GPC3: variants seen among roughly 807,000 people sequenced by gnomAD.
GPC3 encodes the protein glypican-3.
GPC3 carries 3 observed loss-of-function variants against 34.4 expected under a neutral mutation model. That is an observed-to-expected ratio of 0.09 (90% CI 0.04 to 0.23). The LOEUF is 0.23. GPC3 is among the 10% of genes least tolerant of loss of function. The probability of loss-of-function intolerance (pLI) is 1.00; values close to 1 mark genes in which losing one functional copy is unlikely to be tolerated. For synonymous variants in GPC3, 177 were observed against 174.0 expected, an observed-to-expected ratio of 1.02 and a Z score of -0.13; for missense variants, 351 against 445.6, an observed-to-expected ratio of 0.79 and a Z score of 1.91.
intron 2 of GPC3, among the ~76,000 whole-genome samples, chrX:133,828,399 C>T (rs752891670): frequency 6.3e-5 from 7 of 111,767 alleles, no homozygotes; most frequent in Non-Finnish European, 1.3e-4. Context: ...CTCAGGTGAT[C>T]CACCTGCCTC....
At chrX:133,958,384 AT>A (rs977095562) in intron 1 of GPC3, among the ~76,000 whole-genome samples, 8 of 107,912 alleles carry the variant, frequency 7.4e-5, no homozygotes, top group Non-Finnish European at 1.3e-4. Flanking sequence ...CTATAAAAAA[AT>A]TTTTTTTTAA....
At chrX:133,810,587 G>A (rs1419396152) in intron 2 of GPC3, among the ~76,000 whole-genome samples, 5 of 111,636 alleles carry the variant, frequency 4.5e-5, no homozygotes, top group Non-Finnish European at 9.4e-5. Context: ...TCTTGGTAGA[G>A]AAGTGAGGCA....
At chrX:133,960,134 T>C (rs2076435635) in intron 1 of GPC3, among the ~76,000 whole-genome samples, 1 of 110,523 alleles carries the variant, frequency 9.0e-6, no homozygotes, top group South Asian at 3.8e-4. Context: ...GGGTGAAATG[T>C]GTTTGGAAAC....
intron 1 of GPC3, among the ~76,000 whole-genome samples, chrX:133,977,938 T>C (rs951237971): frequency 4.5e-5 from 5 of 111,459 alleles, no homozygotes; most frequent in African/African-American, 1.6e-4. Flanking sequence ...TTAAATTTTA[T>C]TTATTTATTT....
At chrX:133,588,152 A>G (rs2069809551) in intron 7 of GPC3, among the ~76,000 whole-genome samples, 1 of 111,419 alleles carries the variant, frequency 9.0e-6, no homozygotes, top group Non-Finnish European at 1.9e-5. Context: ...GGGGTGGCTT[A>G]CTTAGCAGGA....
intron 5 of GPC3, among the ~76,000 whole-genome samples, chrX:133,674,529 G>T (rs760620040): frequency 1.8e-5 from 2 of 111,558 alleles, no homozygotes; most frequent in Non-Finnish European, 3.8e-5. Flanking sequence ...TTTAGCAGAG[G>T]TGCCCTCCCA....
At chrX:133,984,877 GCTGAAATT>G (rs1445429253) in intron 1 of GPC3, among the ~76,000 whole-genome samples, 1 of 110,624 alleles carries the variant, frequency 9.0e-6, no homozygotes, top group Non-Finnish European at 1.9e-5. Context: ...TCCAGCTAAG[GCTGAAATT>G]CTGACACGTA....
chrX:133,590,995 G>A (rs757243144), intron 7 of GPC3, among the ~76,000 whole-genome samples: 12 of 111,737 alleles, frequency 1.1e-4, no homozygotes, highest in South Asian at 3.8e-4. Context: ...GAAGGGGCTC[G>A]CTTTAGGACA....
chrX:133,587,277 T>C (rs1195249755), intron 7 of GPC3, among the ~76,000 whole-genome samples: 1 of 112,353 alleles, frequency 8.9e-6, no homozygotes, highest in Non-Finnish European at 1.9e-5. Flanking sequence ...TAAACTGGAA[T>C]GACAGGATTT....
rs775541339 is a variant in GPC3 at position 133,619,004 on chromosome X, C to T, written c.1414-22405G>A. 8.2e-5 allele frequency among the ~76,000 whole-genome samples: 9 copies of T among 110,426 alleles called. No individual in the cohort carries two copies. In the East Asian group the frequency reaches 2.3e-3, roughly 28 times the overall value. ...CAAGTCAAAAATAAAAAGGCAAATA[C>T]CCAATTTAAAAAAAAATGGACAAAG... is the stretch of plus-strand genomic sequence containing the variant. On this transcript the variant is annotated intron_variant, in intron 6 of 7. Coordinates refer to ENST00000370818, the MANE Select transcript of GPC3 (RefSeq NM_004484.4).
intron 2 of GPC3, among the ~76,000 whole-genome samples, chrX:133,771,885 G>A (rs1446958911): frequency 8.9e-6 from 1 of 111,952 alleles, no homozygotes; most frequent in African/African-American, 3.2e-5. Context: ...TAATGTAAAT[G>A]ATGTTCAAAT....
At chrX:133,548,055 G>GT (rs1168078898) in intron 7 of GPC3, among the ~76,000 whole-genome samples, 3 of 110,974 alleles carry the variant, frequency 2.7e-5, no homozygotes, top group Admixed American at 9.6e-5. Flanking sequence ...CGCTGAAACT[G>GT]TTAAAAAAAA....
At chrX:133,916,520 AC>A (rs1170038813) in intron 2 of GPC3, among the ~76,000 whole-genome samples, 1 of 110,820 alleles carries the variant, frequency 9.0e-6, no homozygotes, top group African/African-American at 3.3e-5. Flanking sequence ...CCACTGTCTA[AC>A]CCCCCCATAG....
At chrX:133,855,512 T>C (rs1341963332) in intron 2 of GPC3, among the ~76,000 whole-genome samples, 1 of 98,177 alleles carries the variant, frequency 1.0e-5, no homozygotes, top group Admixed American at 1.1e-4. Flanking sequence ...ATGTAAGTTA[T>C]ACAATATGCT....
intron 2 of GPC3, among the ~76,000 whole-genome samples, chrX:133,952,079 C>T (rs150904211): frequency 0.038 from 4,176 of 110,349 alleles, 69 homozygotes; most frequent in East Asian, 0.1. Context: ...TAATTAATTA[C>T]TAATTAATTG....
intron 3 of GPC3, among the ~76,000 whole-genome samples, chrX:133,752,388 A>T (rs908210838): frequency 2.7e-5 from 3 of 112,028 alleles, no homozygotes; most frequent in Admixed American, 9.5e-5. Context: ...ACAGAAAAAT[A>T]AAACAAAACC....
chrX:133,891,010 C>T (rs1175064173), intron 2 of GPC3, among the ~76,000 whole-genome samples: 1 of 109,244 alleles, frequency 9.2e-6, no homozygotes, highest in Non-Finnish European at 1.9e-5. Flanking sequence ...GGCTGGGTGA[C>T]ATAGAGGGAC....
intron 7 of GPC3, among the ~76,000 whole-genome samples, chrX:133,553,235 A>C (rs1428071613): frequency 9.0e-6 from 1 of 111,530 alleles, no homozygotes; most frequent in Non-Finnish European, 1.9e-5. Flanking sequence ...TGATTGGCCA[A>C]GTCGAATTAA....
At chrX:133,772,605 T>A (rs1183759281) in intron 2 of GPC3, among the ~76,000 whole-genome samples, 1 of 111,998 alleles carries the variant, frequency 8.9e-6, no homozygotes, top group Admixed American at 9.5e-5. Context: ...GAGACAGTGC[T>A]GATATTGACA....
Sources: allele counts gnomAD v4.1 joint callset (sites outside exome capture counted in the v4.1 genomes callset), GRCh38; gene constraint gnomAD v4.1.1; transcripts MANE v1.5; gene names NCBI Gene and HGNC (gene_info 2026-07-23, HGNC 2026-07-21).